PVR: variants seen among roughly 807,000 people sequenced by gnomAD.
The protein encoded by PVR is poliovirus receptor.
PVR carries 39 observed loss-of-function variants against 43.3 expected under a neutral mutation model. The observed-to-expected ratio is 0.90, with a 90% CI of 0.70 to 1.18. PVR has a LOEUF of 1.18. Among genes scored for constraint, PVR ranks in the 50% most tolerant of loss-of-function variants. The pLI is 0.00. For missense variants in PVR, 480 were observed against 549.7 expected, an observed-to-expected ratio of 0.87 and a Z score of 1.27; for synonymous variants, 224 against 233.2, an observed-to-expected ratio of 0.96 and a Z score of 0.36.
chr19:44,651,895 C>A (rs974988025), intron 3 of PVR, among the ~76,000 whole-genome samples: 8 of 152,206 alleles, frequency 5.3e-5, no homozygotes, highest in Non-Finnish European at 8.8e-5. Context: ...GTGGCTCACG[C>A]CTGTAATCCC....
At chr19:44,650,232 C>T in intron 3 of PVR, 127 bp downstream of exon 3, 1 of 864,258 alleles carries the variant, frequency 1.2e-6, no homozygotes, top group Non-Finnish European at 1.7e-6. Flanking sequence ...TGACTCCTGT[C>T]TACACGACCC....
intron 1 of PVR, among the ~76,000 whole-genome samples, chr19:44,645,411 TTG>T (rs1257580856): frequency 3.9e-4 from 19 of 49,318 alleles, no homozygotes; most frequent in African/African-American, 1.6e-3. Context: ...TTTATATGTT[TTG>T]TGTATATATA....
At position 44,664,453 on chromosome 19, in the gene PVR, T is replaced by C. The variant is rs143093235; in HGVS notation, c.*2642T>C. On this transcript the variant is annotated 3_prime_UTR_variant, in exon 8 of 8. Coordinates refer to ENST00000425690, the MANE Select transcript of PVR (RefSeq NM_006505.5). ...GGCTGGAACTCCTGGGCTCAAGTGC[T>C]CCTCCTGCCTTGGCCTCCCAAAGCG... 1.3e-5 allele frequency: 2 copies of C among 152,280 alleles called. No homozygotes were observed. The highest frequency in any genetic ancestry group is 2.9e-5 in the Non-Finnish European group (2 of 68,048). The allele number at this position is 152,280 out of a possible 1,614,324, so 9.4% of individuals were successfully genotyped here. A position where few individuals can be genotyped will look rare whatever the true frequency, so the allele number is the denominator to read the frequency against.
intron 1 of PVR, 133 bp downstream of exon 1, chr19:44,644,308 G>C (rs1007462492): frequency 1.5e-6 from 1 of 646,444 alleles, no homozygotes. Flanking sequence ...CTCTGCCCCG[G>C]GGTTGGAAGG....
chr19:44,645,175 T>A (rs7248846), intron 1 of PVR, among the ~76,000 whole-genome samples: 2 of 85,266 alleles, frequency 2.3e-5, no homozygotes, highest in Non-Finnish European at 4.1e-5. Context: ...TATTATATAT[T>A]ATATATATTA....
At chr19:44,644,667 T>C (rs1973027090) in intron 1 of PVR, among the ~76,000 whole-genome samples, 1 of 150,882 alleles carries the variant, frequency 6.6e-6, no homozygotes, top group Admixed American at 6.6e-5. Context: ...ATTACCCCTC[T>C]GACCCCCAAT....
Position 44,658,046 on chromosome 19 carries a change from C to T in PVR, c.991+136C>T, listed in dbSNP as rs372731630. 1.2e-3 allele frequency: 1,009 copies of T among 849,198 alleles called. 16 individuals carry two copies. In the South Asian group the frequency reaches 0.016, roughly 13 times the overall value. 52.6% of individuals were successfully genotyped at this position (849,198 alleles called of 1,614,324 possible). On this transcript the variant is annotated intron_variant, in intron 5 of 7. Coordinates refer to ENST00000425690, the MANE Select transcript of PVR (RefSeq NM_006505.5). ...GGACCAGTGGGGCCAGCTTTACTCC[C>T]CTGTTAACTCCATACCTATATCACT...
rs1056402777 is a variant in PVR, at chr19:44,664,371, G to C, written c.*2560G>C. On this transcript the variant is annotated 3_prime_UTR_variant, in exon 8 of 8. Transcript: ENST00000425690. Reference sequence around the variant, plus strand: ...CTATAGGTGGGCGCCACCCCACCTGGCTAAATCTCTTTTTAACTTTTGTAG... The same window carrying C: ...CTATAGGTGGGCGCCACCCCACCTGCCTAAATCTCTTTTTAACTTTTGTAG... 3 of 152,032 alleles carry C rather than the reference G, an allele frequency of 2.0e-5. No individual in the cohort carries two copies. Among genetic ancestry groups the C allele is most frequent in the Non-Finnish European group, 2.9e-5 (2 of 68,024 alleles). 9.4% of individuals were successfully genotyped at this position (152,032 alleles called of 1,614,324 possible).
In PVR at chr19:44,661,342, C is replaced by G; in HGVS notation, c.1182+19C>G. 1 of 1,613,188 alleles carries G rather than the reference C, an allele frequency of 6.2e-7. No homozygotes were observed. On this transcript the variant is annotated intron_variant, in intron 7 of 7. Transcript: ENST00000425690. ...TAATGGGGTAAGTGCAGTGTTGGAG[C>G]TAAGGAGGGTGTGGGGTCTGCACGA...
chr19:44,655,730 T>C (rs1973425816), intron 4 of PVR, among the ~76,000 whole-genome samples: 1 of 152,194 alleles, frequency 6.6e-6, no homozygotes, highest in Admixed American at 6.5e-5. Context: ...CAGTGAACAC[T>C]TAAGATTCCA....
intron 6 of PVR, among the ~76,000 whole-genome samples, chr19:44,659,269 G>C (rs1973533492): frequency 6.6e-6 from 1 of 152,042 alleles, no homozygotes; most frequent in Non-Finnish European, 1.5e-5. Flanking sequence ...TGGCACCTCT[G>C]ATCCTCAGCT....
At chr19:44,649,673 A>G (rs1973223030) in intron 2 of PVR, 136 bp from the exon 3 acceptor site, 1 of 878,474 alleles carries the variant, frequency 1.1e-6, no homozygotes, top group Non-Finnish European at 1.8e-6. Context: ...CACCCACCTC[A>G]GCCCCCCAAA....
In PVR at chr19:44,651,378, A is replaced by G. The variant is rs375664862; in HGVS notation, c.724+1273A>G. Among the ~76,000 whole-genome samples, 6 of 152,146 alleles carry G rather than the reference A, an allele frequency of 3.9e-5. No homozygotes were observed. In the East Asian group the frequency reaches 1.2e-3, roughly 29 times the overall value. On this transcript the variant is annotated intron_variant, in intron 3 of 7. Coordinates refer to ENST00000425690, the MANE Select transcript of PVR (RefSeq NM_006505.5). The stretch of plus-strand genomic sequence containing the variant: ...ACTGGTTCTCCTAGGCACTCTCTAA[A>G]GTGCCCCCTGACACTGTCTACACTG...
In PVR at chr19:44,665,143, A is replaced by T. The variant is rs1973679503; in HGVS notation, c.*3332A>T. ...GGTTAAGAAAACCGCAACTATCCTTATCAGAGACTTGGCGGGGGGCAGGGT... is the reference window on the plus strand; with the variant it reads ...GGTTAAGAAAACCGCAACTATCCTTTTCAGAGACTTGGCGGGGGGCAGGGT... On this transcript the variant is annotated 3_prime_UTR_variant, in exon 8 of 8. Coordinates refer to ENST00000425690, the MANE Select transcript of PVR (RefSeq NM_006505.5). 6.6e-6 allele frequency: 1 copy of T among 151,296 alleles called. No individual in the cohort carries two copies. The highest frequency in any genetic ancestry group is 1.5e-5 in the Non-Finnish European group (1 of 67,596). The allele number at this position is 151,296 out of a possible 1,614,324, so 9.4% of individuals were successfully genotyped here. A position where few individuals can be genotyped will look rare whatever the true frequency, so the allele number is the denominator to read the frequency against.
chr19:44,653,650 C>T (rs1028506825), intron 3 of PVR: 4 of 429,368 alleles, frequency 9.3e-6, no homozygotes, highest in East Asian at 7.2e-5. Flanking sequence ...CATGCCTGGT[C>T]CAGGCTACCC....
Position 44,661,968 on chromosome 19 carries a change from G to A in PVR, c.*157G>A. The A allele has an allele frequency of 1.5e-6, 1 of 645,406 alleles. No homozygotes were observed. Among genetic ancestry groups the A allele is most frequent in the Non-Finnish European group, 2.7e-6 (1 of 370,646 alleles). 40.0% of individuals were successfully genotyped at this position (645,406 alleles called of 1,614,324 possible). A position where few individuals can be genotyped will look rare whatever the true frequency, so the allele number is the denominator to read the frequency against. ...CGACGGGGGCAGGTGCAAGTTCATAGGTCTCCAAGACCACCCTCCTTTCAT... is the reference window on the plus strand; with the variant it reads ...CGACGGGGGCAGGTGCAAGTTCATAAGTCTCCAAGACCACCCTCCTTTCAT... On this transcript the variant is annotated 3_prime_UTR_variant, in exon 8 of 8. Coordinates refer to ENST00000425690, the MANE Select transcript of PVR (RefSeq NM_006505.5).
intron 1 of PVR, 142 bp from the exon 2 acceptor site, chr19:44,647,081 C>CCA: frequency 5.2e-6 from 2 of 384,746 alleles, no homozygotes; most frequent in Non-Finnish European, 9.2e-6. Context: ...CCCAGTTCCC[C>CCA]CTCCCCCCAC....
chr19:44,657,751 G>C lies in PVR; in HGVS notation c.843-11G>C. The C allele has an allele frequency of 1.2e-6, 2 of 1,613,864 alleles. No homozygotes were observed. Among genetic ancestry groups the C allele is most frequent in the East Asian group, 2.2e-5 (1 of 44,880 alleles). Reference sequence around the variant, plus strand: ...GCAGAGGCCACCTCCTCACCTTTCTGTCTCTCCCAGGACCATGGGTCCCCT... The same window carrying C: ...GCAGAGGCCACCTCCTCACCTTTCTCTCTCTCCCAGGACCATGGGTCCCCT... On this transcript the variant is annotated splice_polypyrimidine_tract_variant and intron_variant, in intron 4 of 7. Transcript: ENST00000425690.
intron 2 of PVR, among the ~76,000 whole-genome samples, chr19:44,648,604 C>T (rs1030333567): frequency 6.6e-6 from 1 of 152,094 alleles, no homozygotes; most frequent in Non-Finnish European, 1.5e-5. Flanking sequence ...TTCCTACCCT[C>T]CCTGTAGCTG....
Sources: allele counts gnomAD v4.1 joint callset (sites outside exome capture counted in the v4.1 genomes callset), GRCh38; gene constraint gnomAD v4.1.1; transcripts MANE v1.5; gene names NCBI Gene and HGNC (gene_info 2026-07-23, HGNC 2026-07-21).